The following PIAS2 variants were observed in gnomAD, a reference collection of about 807,000 sequenced individuals.
PIAS2 encodes the protein E3 SUMO-protein ligase PIAS2.
PIAS2 carries 19 observed loss-of-function variants against 69.7 expected under a neutral mutation model. The observed-to-expected ratio is 0.27, with a 90% confidence interval of 0.19 to 0.40. The LOEUF (loss-of-function observed/expected upper bound fraction) is 0.40, where lower values mean the gene tolerates loss of function less well. Ranked by LOEUF, PIAS2 falls within the 10% of genes least tolerant of loss-of-function variation. The probability of loss-of-function intolerance (pLI) is 1.00; values close to 1 mark genes in which losing one functional copy is unlikely to be tolerated. For missense variants in PIAS2, 624 were observed against 757.0 expected, an observed-to-expected ratio of 0.82 and a Z score of 2.06; for synonymous variants, 261 against 263.2, an observed-to-expected ratio of 0.99 and a Z score of 0.08.
intron 1 of PIAS2, chr18:46,917,066 G>A: frequency 1.0e-6 from 1 of 988,462 alleles, no homozygotes; most frequent in Non-Finnish European, 1.2e-6. Context: ...CCCCGCGCCA[G>A]GTGTGCGGAC....
At chr18:46,886,361 G>A (rs2053183615) in intron 2 of PIAS2, among the ~76,000 whole-genome samples, 1 of 152,148 alleles carries the variant, frequency 6.6e-6, no homozygotes, top group Non-Finnish European at 1.5e-5. Flanking sequence ...TAACTGCTGG[G>A]ACAGAATATA....
chr18:46,837,113 A>G (rs566204153), intron 8 of PIAS2, among the ~76,000 whole-genome samples: 7 of 152,260 alleles, frequency 4.6e-5, no homozygotes, highest in Middle Eastern at 3.4e-3. Flanking sequence ...TATATTTATA[A>G]TATTTATAAT....
At chr18:46,898,582 T>C (rs1341731946) in intron 1 of PIAS2, among the ~76,000 whole-genome samples, 1 of 152,108 alleles carries the variant, frequency 6.6e-6, no homozygotes, top group Non-Finnish European at 1.5e-5. Context: ...GTATATCAAA[T>C]ACATTTTCAA....
chr18:46,912,703 TAG>T (rs1302915315), intron 1 of PIAS2, among the ~76,000 whole-genome samples: 1 of 152,092 alleles, frequency 6.6e-6, no homozygotes, highest in Non-Finnish European at 1.5e-5. Context: ...TGAAAAAATA[TAG>T]AGAGAAAGGC....
chr18:46,851,911 G>A (rs2047025854), intron 5 of PIAS2, among the ~76,000 whole-genome samples: 1 of 152,138 alleles, frequency 6.6e-6, no homozygotes, highest in African/African-American at 2.4e-5. Context: ...GAGCTCTAAT[G>A]GGCAATTCAT....
chr18:46,875,244 G>A (rs1335914158), intron 2 of PIAS2, among the ~76,000 whole-genome samples: 1 of 152,128 alleles, frequency 6.6e-6, no homozygotes, highest in African/African-American at 2.4e-5. Flanking sequence ...TAAGCATGGA[G>A]CCTTAAAAAG....
intron 5 of PIAS2, among the ~76,000 whole-genome samples, chr18:46,847,187 TAGC>T (rs1397171705): frequency 8.5e-5 from 13 of 152,170 alleles, no homozygotes; most frequent in Admixed American, 8.5e-4. Flanking sequence ...GATTCATCCT[TAGC>T]AGTCCCCATT....
At chr18:46,890,148 C>G (rs1182394368) in intron 2 of PIAS2, among the ~76,000 whole-genome samples, 1 of 152,226 alleles carries the variant, frequency 6.6e-6, no homozygotes, top group East Asian at 1.9e-4. Context: ...AAATCATAGA[C>G]AGTGGAAGTA....
intron 2 of PIAS2, among the ~76,000 whole-genome samples, chr18:46,872,215 C>T (rs1429937219): frequency 1.3e-5 from 2 of 152,172 alleles, no homozygotes; most frequent in Non-Finnish European, 2.9e-5. Flanking sequence ...CTAAACAGTC[C>T]AGACTACCCA....
chr18:46,816,693 CCA>C, intron 12 of PIAS2: 1 of 565,838 alleles, frequency 1.8e-6, no homozygotes, highest in Non-Finnish European at 2.2e-6. Flanking sequence ...GTTTTGAACT[CCA>C]GAGCTCAAGT....
Position 46,913,505 on chromosome 18 carries a change from G to C in PIAS2, c.24+3817C>G, listed in dbSNP as rs545862229. 6.8e-5 allele frequency among the ~76,000 whole-genome samples: 10 copies of C among 147,284 alleles called. No individual in the cohort carries two copies. In the East Asian group the frequency reaches 9.9e-4, roughly 15 times the overall value. On this transcript the variant is annotated intron_variant, in intron 1 of 13. Transcript: ENST00000585916. ...TCTCTCTCATTCTGAGACACACACA[G>C]AATAAATTCTCAATGCATGAAAAGA...
intron 2 of PIAS2, among the ~76,000 whole-genome samples, chr18:46,872,958 T>G (rs2050596625): frequency 1.3e-5 from 2 of 152,138 alleles, no homozygotes; most frequent in Non-Finnish European, 2.9e-5. Flanking sequence ...TTTCACCTTT[T>G]CATTAACGCA....
chr18:46,858,668 A>G (rs1009357754), intron 3 of PIAS2, among the ~76,000 whole-genome samples: 25 of 152,192 alleles, frequency 1.6e-4, no homozygotes, highest in Admixed American at 6.5e-4. Flanking sequence ...CTGTACTTTC[A>G]GCCTGGGTGA....
intron 1 of PIAS2, among the ~76,000 whole-genome samples, chr18:46,912,417 T>A (rs565844495): frequency 3.0e-4 from 46 of 152,338 alleles, no homozygotes; most frequent in Middle Eastern, 6.8e-3. Context: ...AGGAAAAAAG[T>A]CTGTACATGT....
intron 3 of PIAS2, among the ~76,000 whole-genome samples, chr18:46,860,342 G>C (rs1676890294): frequency 6.6e-6 from 1 of 152,206 alleles, no homozygotes; most frequent in South Asian, 2.1e-4. Context: ...TCCGAATCCA[G>C]AATGTACAAT....
intron 1 of PIAS2, among the ~76,000 whole-genome samples, chr18:46,904,372 A>G (rs946182343): frequency 2.0e-5 from 3 of 152,230 alleles, no homozygotes; most frequent in Non-Finnish European, 4.4e-5. Flanking sequence ...TATATTTGAA[A>G]GAGATAAAAC....
intron 2 of PIAS2, among the ~76,000 whole-genome samples, chr18:46,886,989 A>G (rs2053311304): frequency 1.3e-5 from 2 of 152,240 alleles, no homozygotes; most frequent in South Asian, 4.1e-4. Context: ...GCAAAAAGTA[A>G]TGAGATATGA....
In PIAS2 at chr18:46,844,099, A is replaced by G; in HGVS notation, c.996T>C (p.Asp332=). The G allele has an allele frequency of 1.3e-6, 2 of 1,535,788 alleles. No individual in the cohort carries two copies. The highest frequency in any genetic ancestry group is 1.4e-5 in the South Asian group (1 of 73,872). ...LIKEKLTADP[D]SEIATTSLRV... The stretch of plus-strand genomic sequence containing the variant: ...GAAGGCTAGTTGTAGCAATTTCACT[A>G]TCAGGATCTGCAGTAAGTTTTTCTT... The change falls in exon 8 of 14, where the codon GAT becomes GAC. Residue 332 remains aspartate, a synonymous_variant. Coordinates refer to ENST00000585916, the MANE Select transcript of PIAS2 (RefSeq NM_004671.5).
rs142053638 is a variant in PIAS2, at chr18:46,855,058, T to C, written c.726+287A>G. 6.2e-3 allele frequency among the ~76,000 whole-genome samples: 758 copies of C among 121,396 alleles called. 14 individuals are homozygous for C. Among genetic ancestry groups the C allele is most frequent in the African/African-American group, 0.023 (710 of 30,578 alleles). The allele number at this position is 121,396 out of a possible 152,430, so 79.6% of individuals were successfully genotyped here. A position where few individuals can be genotyped will look rare whatever the true frequency, so the allele number is the denominator to read the frequency against. On this transcript the variant is annotated intron_variant, in intron 5 of 13. Coordinates refer to ENST00000585916, the MANE Select transcript of PIAS2 (RefSeq NM_004671.5). ...GAGGTAGGAGGATTGCTTGAGCCTA[T>C]AAATTCAAATCAAGCCTGGGGAACA...
Sources: allele counts gnomAD v4.1 joint callset (sites outside exome capture counted in the v4.1 genomes callset), GRCh38; gene constraint gnomAD v4.1.1; transcripts MANE v1.5; gene names NCBI Gene and HGNC (gene_info 2026-07-23, HGNC 2026-07-21).